Variants in KALRN observed in about 807,000 individuals in gnomAD.
The protein encoded by KALRN is kalirin.
In KALRN, 70 loss-of-function variants were observed where a neutral mutation model predicts 353.7. The observed-to-expected ratio is 0.20, with a 90% confidence interval of 0.16 to 0.24. The LOEUF (loss-of-function observed/expected upper bound fraction) is 0.24, where lower values mean the gene tolerates loss of function less well. Among genes scored for constraint, KALRN ranks in the 10% least tolerant of loss-of-function variants. The pLI is 1.00. For synonymous variants in KALRN, 1,391 were observed against 1,434.8 expected, an observed-to-expected ratio of 0.97 and a Z score of 0.69; for missense variants, 2,791 against 3,756.7, an observed-to-expected ratio of 0.74 and a Z score of 6.72.
At position 124,385,208 on chromosome 3, in the gene KALRN, C is replaced by T. The variant is rs1316929653; in HGVS notation, c.1962+172C>T. ...CTGATAGCCTGCATTTAGGTCTCTC[C>T]GAATGGGGCAAAATTTCCTCCTATA... On this transcript the variant is annotated intron_variant, in intron 11 of 59. Coordinates refer to ENST00000682506, the MANE Select transcript of KALRN (RefSeq NM_001388419.1). 2.0e-5 allele frequency among the ~76,000 whole-genome samples: 3 copies of T among 152,170 alleles called. 1 individual carries two copies. The highest frequency in any genetic ancestry group is 3.9e-4 in the East Asian group (2 of 5,178).
chr3:124,240,632 T>C (rs2080318299), intron 3 of KALRN, among the ~76,000 whole-genome samples: 2 of 152,142 alleles, frequency 1.3e-5, no homozygotes, highest in Admixed American at 1.3e-4. Flanking sequence ...CCTGTCATCA[T>C]TGACTGAATG....
At chr3:124,075,631 T>C (rs1665362199) in intron 1 of KALRN, among the ~76,000 whole-genome samples, 1 of 152,144 alleles carries the variant, frequency 6.6e-6, no homozygotes. Context: ...TTCTTGAGGG[T>C]CTGCTATTTT....
At chr3:124,661,791 C>A in intron 44 of KALRN, 60 bp from the exon 45 acceptor site, 2 of 1,340,670 alleles carry the variant, frequency 1.5e-6, no homozygotes, top group Non-Finnish European at 2.1e-6. Flanking sequence ...ACTGAATTAC[C>A]AAGAGCTTCC....
At chr3:124,614,369 A>T (rs1160519974) in intron 34 of KALRN, among the ~76,000 whole-genome samples, 1 of 150,450 alleles carries the variant, frequency 6.6e-6, no homozygotes, top group Non-Finnish European at 1.5e-5. Flanking sequence ...TCCGGGCTCA[A>T]TCAACCCTCC....
intron 45 of KALRN, among the ~76,000 whole-genome samples, chr3:124,664,371 G>GTGTGTGCGCGCGCGCGCA (rs780486751): frequency 1.5e-3 from 117 of 77,064 alleles, no homozygotes; most frequent in Admixed American, 3.8e-3. Context: ...GTGTGTGTGT[G>GTGTGTGCGCGCGCGCGCA]CGCGCGCGCG....
intron 1 of KALRN, among the ~76,000 whole-genome samples, chr3:124,223,617 G>T (rs992654296): frequency 2.6e-5 from 4 of 152,160 alleles, no homozygotes; most frequent in Non-Finnish European, 5.9e-5. Context: ...CTCTATAAAC[G>T]CCCACTCTGT....
intron 1 of KALRN, among the ~76,000 whole-genome samples, chr3:124,127,756 T>C (rs773843359): frequency 1.1e-4 from 17 of 152,216 alleles, no homozygotes; most frequent in Non-Finnish European, 2.1e-4. Flanking sequence ...TCTGACTTTG[T>C]CTAATTTAGG....
At chr3:124,458,685 T>TG (rs1216719526) in intron 23 of KALRN, among the ~76,000 whole-genome samples, 8 of 152,260 alleles carry the variant, frequency 5.3e-5, no homozygotes, top group African/African-American at 1.9e-4. Flanking sequence ...CCTGTAACTT[T>TG]GGGGGGCTGA....
At chr3:124,177,086 C>G (rs1326525847) in intron 1 of KALRN, among the ~76,000 whole-genome samples, 1 of 152,170 alleles carries the variant, frequency 6.6e-6, no homozygotes, top group East Asian at 1.9e-4. Context: ...TCTATCTCTT[C>G]TTAGAGGTGG....
At chr3:124,635,102 ATGT>A (rs2081214309) in intron 36 of KALRN, among the ~76,000 whole-genome samples, 1 of 152,120 alleles carries the variant, frequency 6.6e-6, no homozygotes, top group Admixed American at 6.5e-5. Context: ...CTCCTAGGTG[ATGT>A]TGGTGGCCCT....
chr3:124,172,874 A>G (rs1319943639), intron 1 of KALRN, among the ~76,000 whole-genome samples: 1 of 152,122 alleles, frequency 6.6e-6, no homozygotes, highest in Non-Finnish European at 1.5e-5. Flanking sequence ...AGATTTTTAT[A>G]AATTGGGTCC....
chr3:124,423,205 TTC>T (rs2092863211), intron 15 of KALRN, among the ~76,000 whole-genome samples: 2 of 152,234 alleles, frequency 1.3e-5, no homozygotes, highest in Non-Finnish European at 2.9e-5. Context: ...AATGCATGAT[TTC>T]TCTCTTACAA....
chr3:124,646,127 G>A, intron 37 of KALRN, among the ~76,000 whole-genome samples: 1 of 152,076 alleles, frequency 6.6e-6, no homozygotes, highest in East Asian at 1.9e-4. Flanking sequence ...GGTGTGGTAG[G>A]TGGCACTGGA....
chr3:124,176,460 T>G (rs2072772775), intron 1 of KALRN, among the ~76,000 whole-genome samples: 2 of 152,286 alleles, frequency 1.3e-5, no homozygotes, highest in South Asian at 4.2e-4. Context: ...GACTGGTGTG[T>G]ACTCAGGGAT....
chr3:124,268,707 T>C (rs746183198), intron 4 of KALRN, 36 bp from the exon 5 acceptor site: 1 of 1,605,808 alleles, frequency 6.2e-7, no homozygotes, highest in East Asian at 2.2e-5. Context: ...TCCCCTGACA[T>C]CACTGAGTAT....
At chr3:124,489,143 C>T (rs1354428432) in intron 29 of KALRN, among the ~76,000 whole-genome samples, 1 of 152,084 alleles carries the variant, frequency 6.6e-6, no homozygotes, top group Non-Finnish European at 1.5e-5. Context: ...CCCGTCTCTA[C>T]TAAAAATACA....
intron 45 of KALRN, among the ~76,000 whole-genome samples, chr3:124,664,920 G>A (rs559650843): frequency 7.2e-4 from 109 of 152,276 alleles, no homozygotes; most frequent in African/African-American, 2.5e-3. Flanking sequence ...GGTGCTGGCC[G>A]AGCTATAACC....
At chr3:124,504,182 T>C (rs1338735787) in intron 33 of KALRN, among the ~76,000 whole-genome samples, 1 of 152,116 alleles carries the variant, frequency 6.6e-6, no homozygotes, top group Non-Finnish European at 1.5e-5. Flanking sequence ...CTATAGGTGA[T>C]AGCTGCAAGG....
At chr3:124,548,946 G>C (rs897990076) in intron 33 of KALRN, among the ~76,000 whole-genome samples, 1 of 152,220 alleles carries the variant, frequency 6.6e-6, no homozygotes, top group African/African-American at 2.4e-5. Flanking sequence ...GAACCACCGT[G>C]CCTGGTCCCA....
Sources: gnomAD v4.1 joint callset for allele counts (sites outside exome capture counted in the v4.1 genomes callset) on GRCh38, gnomAD v4.1.1 for gene constraint, MANE v1.5 for transcripts, NCBI Gene and HGNC (gene_info 2026-07-23, HGNC 2026-07-21) for gene names.